The following SNX29 variants were observed in gnomAD, a reference collection of about 807,000 sequenced individuals.
SNX29 encodes the protein sorting nexin-29.
Under a neutral mutation model 102.1 loss-of-function variants are expected in SNX29, and 78 were observed. The observed-to-expected ratio is 0.76, with a 90% CI of 0.64 to 0.92. The LOEUF (loss-of-function observed/expected upper bound fraction) is 0.92. SNX29 is among the 40% of genes least tolerant of loss of function. SNX29 has a pLI of 0.00. For missense variants in SNX29, 1,280 were observed against 1,061.7 expected (o/e 1.21, Z -2.86); for synonymous variants, 580 against 414.5 (o/e 1.40, Z -4.85).
intron 15 of SNX29, among the ~76,000 whole-genome samples, chr16:12,347,066 G>T (rs28431068): frequency 0.056 from 8,522 of 152,202 alleles, 379 homozygotes; most frequent in African/African-American, 0.12. Context: ...ATCCCATCCT[G>T]ATGTGTGTAA....
chr16:12,431,374 A>G (rs2085306479), intron 18 of SNX29, among the ~76,000 whole-genome samples: 1 of 149,910 alleles, frequency 6.7e-6, no homozygotes, highest in African/African-American at 2.5e-5. Flanking sequence ...TAGATTTATT[A>G]TATTGTGATG....
intron 2 of SNX29, among the ~76,000 whole-genome samples, chr16:12,001,416 T>C (rs1164866449): frequency 6.6e-6 from 1 of 152,008 alleles, no homozygotes; most frequent in Non-Finnish European, 1.5e-5. Flanking sequence ...CCTAGCCTGC[T>C]GTTATTATTA....
chr16:12,451,011 CT>C (rs1386195387), intron 18 of SNX29, among the ~76,000 whole-genome samples: 4 of 152,146 alleles, frequency 2.6e-5, no homozygotes, highest in African/African-American at 9.7e-5. Context: ...AACAAGGCTT[CT>C]GACCATGGCT....
Position 12,412,070 on chromosome 16 carries a change from G to A in SNX29, c.2037+8541G>A, listed in dbSNP as rs539063223. 1.7e-3 allele frequency among the ~76,000 whole-genome samples: 262 copies of A among 152,274 alleles called. 2 individuals carry two copies. The highest frequency in any genetic ancestry group is 3.4e-3 in the Middle Eastern group (1 of 294). ...TACCTGGCACCTGGTGGGGAGACAG[G>A]ACCTCCATGAAAGCAACCGAAGTTC... On this transcript the variant is annotated intron_variant, in intron 18 of 20. Transcript: ENST00000566228.
rs376883653 is a variant in SNX29, at chr16:12,169,249, C to T, written c.1596-30352C>T. 1.5e-4 allele frequency among the ~76,000 whole-genome samples: 23 copies of T among 152,244 alleles called. No homozygotes were observed. The East Asian group carries it at 3.7e-3, about 24-fold the overall frequency. Reference sequence around the variant, plus strand: ...CTGACAAAGCTTCAGGGAGGCTGTCCGGGAGCCCCAGTTCTAGGGAGGGTG... The same window carrying T: ...CTGACAAAGCTTCAGGGAGGCTGTCTGGGAGCCCCAGTTCTAGGGAGGGTG... On this transcript the variant is annotated intron_variant, in intron 13 of 20. Transcript: ENST00000566228.
rs139289702 is a variant in SNX29, at chr16:12,518,259, C to G, written c.2179-6443C>G. 1.6e-3 allele frequency among the ~76,000 whole-genome samples: 243 copies of G among 152,256 alleles called. 2 individuals are homozygous for G. The highest frequency in any genetic ancestry group is 4.8e-3 in the South Asian group (23 of 4,820). On this transcript the variant is annotated intron_variant, in intron 19 of 20. Transcript: ENST00000566228. ...AGATCAGCTACCTGATGCCTCCCACCTCCCGTTGGCTTTGTTCACTGGTCT... is the reference window on the plus strand; with the variant it reads ...AGATCAGCTACCTGATGCCTCCCACGTCCCGTTGGCTTTGTTCACTGGTCT...
At chr16:12,516,865 G>A (rs1036055604) in intron 19 of SNX29, among the ~76,000 whole-genome samples, 2 of 152,130 alleles carry the variant, frequency 1.3e-5, no homozygotes, top group Admixed American at 6.5e-5. Context: ...GAAATACAGG[G>A]GGCGGGGCCT....
chr16:12,349,761 G>A (rs1264978444), intron 15 of SNX29, among the ~76,000 whole-genome samples: 1 of 152,082 alleles, frequency 6.6e-6, no homozygotes, highest in Non-Finnish European at 1.5e-5. Context: ...TTATCCAAAT[G>A]TGTCTGCAGT....
At chr16:12,280,021 T>C (rs1025847835) in intron 15 of SNX29, among the ~76,000 whole-genome samples, 4 of 152,298 alleles carry the variant, frequency 2.6e-5, no homozygotes, top group African/African-American at 9.6e-5. Flanking sequence ...CCTGTGGGGC[T>C]GCTGGGCAGC....
chr16:12,363,897 A>G (rs568381757), intron 16 of SNX29, among the ~76,000 whole-genome samples: 1 of 152,332 alleles, frequency 6.6e-6, no homozygotes, highest in Non-Finnish European at 1.5e-5. Flanking sequence ...TCCAAAATCC[A>G]AAATTTTTTG....
rs57733463 is a variant in SNX29 at position 12,133,281 on chromosome 16, G to GTT, written c.1595+3549_1595+3550dup. On this transcript the variant is annotated intron_variant, in intron 13 of 20. Coordinates refer to ENST00000566228, the MANE Select transcript of SNX29 (RefSeq NM_032167.5). ...CTCTGTTTCTGTTTCCTTAGTGTGG[G>GTT]TTTTTTTTTTTTTTTTTTTTTTTTT... Among the ~76,000 whole-genome samples the GTT allele has an allele frequency of 5.3e-3, 352 of 66,902 alleles. 36 individuals carry two copies. Among genetic ancestry groups the GTT allele is most frequent in the African/African-American group, 0.013 (219 of 16,546 alleles). The allele number at this position is 66,902 out of a possible 152,430, so 43.9% of individuals were successfully genotyped here. A position where few individuals can be genotyped will look rare whatever the true frequency, so the allele number is the denominator to read the frequency against.
intron 10 of SNX29, among the ~76,000 whole-genome samples, chr16:12,076,678 CA>C (rs527353117): frequency 1.6e-3 from 238 of 152,280 alleles, no homozygotes; most frequent in African/African-American, 5.3e-3. Flanking sequence ...AAATGGACAC[CA>C]AAGTCTTATG....
chr16:12,368,017 C>A (rs757799439), intron 16 of SNX29, among the ~76,000 whole-genome samples: 1 of 152,232 alleles, frequency 6.6e-6, no homozygotes. Context: ...TGGCCAAATA[C>A]CCCAAGTGAT....
intron 11 of SNX29, among the ~76,000 whole-genome samples, chr16:12,117,121 G>A (rs1366145965): frequency 6.7e-6 from 1 of 148,482 alleles, no homozygotes; most frequent in African/African-American, 2.5e-5. Flanking sequence ...GACGAACCAT[G>A]GAAACAGGCG....
chr16:11,997,774 C>T (rs377588946), intron 1 of SNX29, among the ~76,000 whole-genome samples: 4 of 152,144 alleles, frequency 2.6e-5, no homozygotes, highest in Non-Finnish European at 2.9e-5. Context: ...CCACTGTACC[C>T]GGCCTTCTAG....
intron 16 of SNX29, among the ~76,000 whole-genome samples, chr16:12,358,942 C>A (rs1322725354): frequency 6.6e-6 from 1 of 152,224 alleles, no homozygotes; most frequent in Non-Finnish European, 1.5e-5. Flanking sequence ...TTCACTGTAT[C>A]CTTTGTAATA....
At chr16:12,163,464 G>C (rs981621942) in intron 13 of SNX29, among the ~76,000 whole-genome samples, 2 of 152,168 alleles carry the variant, frequency 1.3e-5, no homozygotes, top group African/African-American at 4.8e-5. Context: ...GGCCAGACCA[G>C]AGGCCTGCAC....
intron 5 of SNX29, among the ~76,000 whole-genome samples, chr16:12,044,797 C>G (rs1005997283): frequency 6.6e-6 from 1 of 152,086 alleles, no homozygotes; most frequent in Admixed American, 6.6e-5. Flanking sequence ...CCAGGGTGGT[C>G]TTCTTGATCT....
chr16:12,495,199 T>G (rs567921315), intron 19 of SNX29, among the ~76,000 whole-genome samples: 1 of 152,284 alleles, frequency 6.6e-6, no homozygotes, highest in South Asian at 2.1e-4. Flanking sequence ...TGCTCAGGCC[T>G]GGAGCACAGT....
Sources: gnomAD v4.1 joint callset for allele counts (sites outside exome capture counted in the v4.1 genomes callset) on GRCh38, gnomAD v4.1.1 for gene constraint, MANE v1.5 for transcripts, NCBI Gene and HGNC (gene_info 2026-07-23, HGNC 2026-07-21) for gene names.